Variants in HDX observed in about 807,000 individuals in gnomAD.
HDX encodes highly divergent homeobox, also known as chromosome X open reading frame 43.
A neutral mutation model predicts 45.2 loss-of-function variants in HDX; 19 were observed. That is an observed-to-expected ratio of 0.42 (90% confidence interval 0.29 to 0.62). The LOEUF (loss-of-function observed/expected upper bound fraction) is 0.62, where lower values mean the gene tolerates loss of function less well. HDX is among the 20% of genes least tolerant of loss of function. The probability of loss-of-function intolerance (pLI) is 0.20; values close to 1 mark genes in which losing one functional copy is unlikely to be tolerated. For missense variants in HDX, 532 were observed against 493.9 expected, an observed-to-expected ratio of 1.08 and a Z score of -0.73; for synonymous variants, 188 against 172.8, an observed-to-expected ratio of 1.09 and a Z score of -0.69.
chrX:84,460,630 G>C (rs899891772), intron 4 of HDX, among the ~76,000 whole-genome samples: 1 of 111,776 alleles, frequency 8.9e-6, no homozygotes, highest in Non-Finnish European at 1.9e-5. Flanking sequence ...TTTCCTCAAA[G>C]ATGTGGAAAA....
intron 1 of HDX, among the ~76,000 whole-genome samples, chrX:84,495,941 T>C (rs1401728463): frequency 8.9e-6 from 1 of 111,834 alleles, no homozygotes. Context: ...TGTGGTGATA[T>C]ATTATGGCAG....
At chrX:84,447,348 A>G (rs2039895615) in intron 4 of HDX, among the ~76,000 whole-genome samples, 1 of 111,491 alleles carries the variant, frequency 9.0e-6, no homozygotes, top group African/African-American at 3.3e-5. Context: ...ACCTAAGGCA[A>G]GGAAGGAGAG....
At chrX:84,420,077 C>G (rs750597709) in intron 5 of HDX, among the ~76,000 whole-genome samples, 1 of 111,627 alleles carries the variant, frequency 9.0e-6, no homozygotes, top group African/African-American at 3.3e-5. Flanking sequence ...AAATGCCTAA[C>G]TCATCAATTC....
intron 5 of HDX, among the ~76,000 whole-genome samples, chrX:84,375,889 T>A (rs1260124305): frequency 9.0e-6 from 1 of 111,569 alleles, no homozygotes; most frequent in Non-Finnish European, 1.9e-5. Flanking sequence ...AAACTTAAAG[T>A]ATAATAATAA....
chrX:84,416,883 G>C (rs1265748044), intron 5 of HDX, among the ~76,000 whole-genome samples: 2 of 111,055 alleles, frequency 1.8e-5, no homozygotes. Flanking sequence ...GGCCGGGCAT[G>C]GTGGCTCACA....
intron 2 of HDX, among the ~76,000 whole-genome samples, chrX:84,487,381 A>T (rs927147312): frequency 1.6e-4 from 18 of 111,999 alleles, no homozygotes; most frequent in African/African-American, 5.8e-4. Flanking sequence ...TTTGAATATT[A>T]TTTGTTGGCA....
chrX:84,357,611 A>AT (rs776627257), intron 6 of HDX, among the ~76,000 whole-genome samples: 9 of 110,741 alleles, frequency 8.1e-5, no homozygotes, highest in Admixed American at 1.9e-4. Context: ...TCTTAAAGAG[A>AT]TTTTTTTTTA....
chrX:84,386,454 A>G (rs190895661), intron 5 of HDX, among the ~76,000 whole-genome samples: 44 of 111,824 alleles, frequency 3.9e-4, no homozygotes, highest in East Asian at 2.5e-3. Flanking sequence ...TACCTCTGGT[A>G]GAATTCAGCA....
chrX:84,497,028 TG>T (rs1395881562), intron 1 of HDX, among the ~76,000 whole-genome samples: 1 of 110,891 alleles, frequency 9.0e-6, no homozygotes, highest in Non-Finnish European at 1.9e-5. Context: ...ATGAGTGAAA[TG>T]GTGTAAAAGT....
chrX:84,345,837 G>T, intron 6 of HDX, among the ~76,000 whole-genome samples: 1 of 111,227 alleles, frequency 9.0e-6, no homozygotes, highest in Non-Finnish European at 1.9e-5. Flanking sequence ...GTTCTCATAG[G>T]TGTGTGTAGT....
intron 10 of HDX, among the ~76,000 whole-genome samples, chrX:84,325,228 T>C (rs143662539): frequency 0.086 from 9,550 of 110,919 alleles, 405 homozygotes; most frequent in East Asian, 0.26. Flanking sequence ...TTATGGAATG[T>C]TATGGCTTTA....
chrX:84,407,070 T>C (rs922292885), intron 5 of HDX, among the ~76,000 whole-genome samples: 10 of 111,706 alleles, frequency 9.0e-5, no homozygotes, highest in Admixed American at 5.7e-4. Flanking sequence ...TGTAAACTTT[T>C]ATTTTAGGTC....
chrX:84,440,474 T>A, intron 5 of HDX, 58 bp downstream of exon 5: 1 of 842,926 alleles, frequency 1.2e-6, no homozygotes, highest in Non-Finnish European at 1.8e-6. Context: ...CTCAATGGCA[T>A]TTTTACTAAC....
At chrX:84,399,305 T>G (rs1420076876) in intron 5 of HDX, among the ~76,000 whole-genome samples, 2 of 106,191 alleles carry the variant, frequency 1.9e-5, no homozygotes, top group Non-Finnish European at 3.9e-5. Context: ...ATTAACGAAA[T>G]AGTCCACTAG....
intron 6 of HDX, among the ~76,000 whole-genome samples, chrX:84,353,751 TGTGA>T (rs1433599631): frequency 6.3e-5 from 7 of 111,613 alleles, no homozygotes; most frequent in Non-Finnish European, 1.1e-4. Flanking sequence ...CTTTTACTAA[TGTGA>T]GTGGGTATCA....
At chrX:84,456,540 A>T (rs1279768352) in intron 4 of HDX, among the ~76,000 whole-genome samples, 1 of 111,386 alleles carries the variant, frequency 9.0e-6, no homozygotes, top group Admixed American at 9.5e-5. Flanking sequence ...ATCAATAACA[A>T]TATTAAATGT....
intron 1 of HDX, among the ~76,000 whole-genome samples, chrX:84,494,613 T>TATAAAC (rs2040962705): frequency 8.9e-6 from 1 of 111,958 alleles, no homozygotes; most frequent in African/African-American, 3.2e-5. Flanking sequence ...GGTAACATTA[T>TATAAAC]ATAAACATAC....
chrX:84,351,296 A>AT (rs1236971903), intron 6 of HDX, among the ~76,000 whole-genome samples: 1 of 110,871 alleles, frequency 9.0e-6, no homozygotes, highest in Non-Finnish European at 1.9e-5. Flanking sequence ...TGGAGGAAGG[A>AT]TTTTTATTCC....
At chrX:84,422,836 T>C (rs1177630748) in intron 5 of HDX, among the ~76,000 whole-genome samples, 1 of 107,503 alleles carries the variant, frequency 9.3e-6, no homozygotes. Flanking sequence ...GCCTGGCTAA[T>C]TTTTTGTATT....
Sources: allele counts gnomAD v4.1 joint callset (sites outside exome capture counted in the v4.1 genomes callset), GRCh38; gene constraint gnomAD v4.1.1; transcripts MANE v1.5; gene names NCBI Gene and HGNC (gene_info 2026-07-23, HGNC 2026-07-21).